Variants in ABCA9 observed in about 807,000 individuals in gnomAD.
The protein encoded by ABCA9 is ATP-binding cassette sub-family A member 9.
In ABCA9, 183 loss-of-function variants were observed where a neutral mutation model predicts 205.3. That is an observed-to-expected ratio of 0.89 (90% CI 0.79 to 1.01). ABCA9 has a LOEUF of 1.01. Ranked by LOEUF, ABCA9 falls within the 50% of genes least tolerant of loss-of-function variation. The pLI, the probability that ABCA9 is intolerant of heterozygous loss-of-function variation, is 0.00. For missense variants in ABCA9, 1,805 were observed against 1,912.4 expected, an observed-to-expected ratio of 0.94 and a Z score of 1.05; for synonymous variants, 651 against 683.3, an observed-to-expected ratio of 0.95 and a Z score of 0.74.
intron 34 of ABCA9, 71 bp from the exon 35 acceptor site, chr17:68,984,246 T>C: frequency 1.3e-6 from 2 of 1,575,294 alleles, no homozygotes; most frequent in Non-Finnish European, 1.7e-6. Flanking sequence ...AAAAAGAAGT[T>C]TCCATCGACG....
chr17:69,028,704 G>A lies in ABCA9; in HGVS notation c.1505-59C>T, dbSNP rs2044166718. 3 of 1,027,768 alleles carry A rather than the reference G, an allele frequency of 2.9e-6. No homozygotes were observed. In the Admixed American group the frequency reaches 7.9e-5, roughly 27 times the overall value. The allele number at this position is 1,027,768 out of a possible 1,614,324, so 63.7% of individuals were successfully genotyped here. A position where few individuals can be genotyped will look rare whatever the true frequency, so the allele number is the denominator to read the frequency against. On this transcript the variant is annotated intron_variant, in intron 11 of 38. Coordinates refer to ENST00000340001, the MANE Select transcript of ABCA9 (RefSeq NM_080283.4). ...CCTACATATTAACTTTACAGTCTCT[G>A]AAACTGTTGTAATTTTTTGCAGCAT...
Position 69,008,228 on chromosome 17 carries a change from G to A in ABCA9, c.3155C>T (p.Ala1052Val), listed in dbSNP as rs1326344749. The A allele has an allele frequency of 1.2e-6, 2 of 1,611,388 alleles. No homozygotes were observed. Among genetic ancestry groups the A allele is most frequent in the Non-Finnish European group, 1.7e-6 (2 of 1,179,392 alleles). ...MSSIGDYKKK[A>V]HSQLRISGLY... is the part of the protein sequence containing the mutation. Reference sequence around the variant, plus strand: ...GCCTGAAATCCGTAGCTGGGAATGAGCTTTTTTCTGATAAAGAAATAGAAG... The same window carrying A: ...GCCTGAAATCCGTAGCTGGGAATGAACTTTTTTCTGATAAAGAAATAGAAG... The change falls in exon 24 of 39, where the codon GCT becomes GTT. Residue 1052 changes from alanine (A) to valine (V), a missense_variant. Physicochemically the swap from Ala to Val is moderately conservative, Grantham distance 64. Coordinates refer to ENST00000340001, the MANE Select transcript of ABCA9 (RefSeq NM_080283.4).
chr17:69,057,992 G>T (rs1374001434), intron 1 of ABCA9, among the ~76,000 whole-genome samples: 1 of 152,170 alleles, frequency 6.6e-6, no homozygotes, highest in Non-Finnish European at 1.5e-5. Context: ...TTACATAATG[G>T]TGTCGTATAT....
chr17:68,977,616 C>T (rs1383918363), intron 37 of ABCA9, among the ~76,000 whole-genome samples: 1 of 152,070 alleles, frequency 6.6e-6, no homozygotes, highest in Non-Finnish European at 1.5e-5. Flanking sequence ...TTTACATTAC[C>T]CAGCAGAGAT....
chr17:69,049,531 G>T, intron 2 of ABCA9, 41 bp from the exon 3 acceptor site: 1 of 1,461,042 alleles, frequency 6.8e-7, no homozygotes, highest in Non-Finnish European at 9.4e-7. Context: ...ACTGGTAGAT[G>T]TTATACCACA....
At chr17:68,986,392 G>T in intron 31 of ABCA9, 68 bp from the exon 32 acceptor site, 1 of 1,417,808 alleles carries the variant, frequency 7.1e-7, no homozygotes, top group African/African-American at 1.4e-5. Context: ...CATGTAAGCC[G>T]TACTTCAGAG....
intron 25 of ABCA9, among the ~76,000 whole-genome samples, chr17:69,001,338 T>C (rs528245815): frequency 4.6e-5 from 7 of 152,300 alleles, no homozygotes; most frequent in African/African-American, 1.7e-4. Flanking sequence ...GGTTGTTGAA[T>C]TTTGTCAAAG....
intron 6 of ABCA9, 60 bp from the exon 7 acceptor site, chr17:69,035,861 T>C: frequency 3.2e-6 from 5 of 1,539,630 alleles, no homozygotes; most frequent in Non-Finnish European, 4.4e-6. Flanking sequence ...CCTTGATTCA[T>C]TTATTCAGCA....
chr17:68,979,387 C>T (rs946067773), intron 37 of ABCA9, among the ~76,000 whole-genome samples: 4 of 152,228 alleles, frequency 2.6e-5, no homozygotes, highest in South Asian at 2.1e-4. Flanking sequence ...CAATGCCATC[C>T]CCATCAAGCT....
chr17:69,070,806 AC>A, the ABCA9 span, among the ~76,000 whole-genome samples: 1 of 152,198 alleles, frequency 6.6e-6, no homozygotes, highest in African/African-American at 2.4e-5. Flanking sequence ...AGCAGATCAC[AC>A]CTTCACAGAG....
chr17:68,986,145 G>GC lies in ABCA9; in HGVS notation c.4208+18dup, dbSNP rs749057742. ...AACATCCCCTCCAGCAAAGGGGAGT[G>GC]CCCCCCAGTCCCAGGTACCGTGTGA... On this transcript the variant is annotated intron_variant, in intron 32 of 38. Transcript: ENST00000340001. The GC allele has an allele frequency of 6.3e-7, 1 of 1,582,762 alleles. No individual in the cohort carries two copies. Among genetic ancestry groups the GC allele is most frequent in the Non-Finnish European group, 8.6e-7 (1 of 1,163,754 alleles).
At chr17:69,051,256 G>A (rs57936744) in intron 1 of ABCA9, 117 bp from the exon 2 acceptor site, 5 of 825,416 alleles carry the variant, frequency 6.1e-6, no homozygotes, top group Admixed American at 6.3e-5. Context: ...TCCTGGAGAA[G>A]AAGAAAGCCA....
At chr17:69,013,257 T>C (rs1038269333) in intron 22 of ABCA9, among the ~76,000 whole-genome samples, 3 of 152,146 alleles carry the variant, frequency 2.0e-5, no homozygotes, top group Non-Finnish European at 2.9e-5. Flanking sequence ...GATTGTATGG[T>C]AGTACAAACC....
chr17:69,056,327 G>A (rs2072069103), intron 1 of ABCA9, among the ~76,000 whole-genome samples: 1 of 152,044 alleles, frequency 6.6e-6, no homozygotes, highest in Non-Finnish European at 1.5e-5. Flanking sequence ...AAATGAAAGA[G>A]GGGGCATCAC....
At chr17:69,065,698 T>A (rs537815271), upstream of ABCA9, among the ~76,000 whole-genome samples, 70 of 152,326 alleles carry the variant, frequency 4.6e-4, no homozygotes, top group South Asian at 0.014. Flanking sequence ...AGGTTTCAGC[T>A]CTGATCTCTC....
At chr17:69,020,167 CTG>C (rs916061191) in intron 19 of ABCA9, among the ~76,000 whole-genome samples, 1 of 152,026 alleles carries the variant, frequency 6.6e-6, no homozygotes, top group African/African-American at 2.4e-5. Context: ...AAAACAAAAT[CTG>C]TGTGAAATTT....
chr17:69,062,811 C>A (rs578118536), upstream of ABCA9, among the ~76,000 whole-genome samples: 5 of 152,136 alleles, frequency 3.3e-5, no homozygotes, highest in Non-Finnish European at 7.3e-5. Context: ...CTGCGCCCGA[C>A]GTATTTACTC....
intron 1 of ABCA9, among the ~76,000 whole-genome samples, chr17:69,057,496 A>T (rs1204617517): frequency 6.6e-6 from 1 of 152,152 alleles, no homozygotes; most frequent in Non-Finnish European, 1.5e-5. Context: ...TTCACTTTCT[A>T]AAACATGGGC....
chr17:69,010,107 C>T (rs565900703), intron 23 of ABCA9, among the ~76,000 whole-genome samples: 10 of 148,888 alleles, frequency 6.7e-5, no homozygotes, highest in African/African-American at 2.2e-4. Flanking sequence ...CAACGAAGTA[C>T]GTAAAATTTA....
Sources: allele counts gnomAD v4.1 joint callset (sites outside exome capture counted in the v4.1 genomes callset), GRCh38; gene constraint gnomAD v4.1.1; transcripts MANE v1.5; gene names NCBI Gene and HGNC (gene_info 2026-07-23, HGNC 2026-07-21).